Variants in EXTL3 observed in about 807,000 individuals in gnomAD.
The protein encoded by EXTL3 is exostosin like glycosyltransferase 3.
In EXTL3, 27 loss-of-function variants were observed where a neutral mutation model predicts 69.3. The ratio of observed to expected loss-of-function variants is 0.39; its 90% CI spans 0.29 to 0.54. The LOEUF (loss-of-function observed/expected upper bound fraction) is 0.54. Among genes scored for constraint, EXTL3 ranks in the 20% least tolerant of loss-of-function variants. The pLI is 0.69. For missense variants in EXTL3, 1,003 were observed against 1,231.8 expected (o/e 0.81, Z 2.78); for synonymous variants, 511 against 499.4 (o/e 1.02, Z -0.31).
At chr8:28,720,565 A>G (rs1255611365) in intron 3 of EXTL3, among the ~76,000 whole-genome samples, 1 of 152,222 alleles carries the variant, frequency 6.6e-6, no homozygotes, top group African/African-American at 2.4e-5. Context: ...TTATTTGCAT[A>G]AAAAGATCTA....
chr8:28,649,213 T>C (rs1362603485), intron 1 of EXTL3, among the ~76,000 whole-genome samples: 1 of 152,204 alleles, frequency 6.6e-6, no homozygotes, highest in Non-Finnish European at 1.5e-5. Flanking sequence ...ATAAGTCATA[T>C]TCATGTGTCA....
intron 1 of EXTL3, among the ~76,000 whole-genome samples, chr8:28,673,810 T>C (rs1182109514): frequency 2.0e-5 from 3 of 152,166 alleles, no homozygotes; most frequent in Non-Finnish European, 4.4e-5. Context: ...TGGAAAACTT[T>C]GTATAGATTT....
At chr8:28,695,439 A>C (rs1800671686) in intron 1 of EXTL3, among the ~76,000 whole-genome samples, 3 of 152,324 alleles carry the variant, frequency 2.0e-5, no homozygotes, top group Middle Eastern at 6.8e-3. Flanking sequence ...ATAAGCAATC[A>C]CGTGGACACC....
intron 1 of EXTL3, among the ~76,000 whole-genome samples, chr8:28,686,175 G>A (rs989768521): frequency 1.3e-5 from 2 of 151,898 alleles, no homozygotes; most frequent in Non-Finnish European, 2.9e-5. Flanking sequence ...CTATGTTTGC[G>A]TATATGTAAA....
At position 28,716,814 on chromosome 8, in the gene EXTL3, G is replaced by A. The variant is rs771658558; in HGVS notation, c.755G>A (p.Arg252Gln). ...VGEMQEPVVL[R>Q]PAELEKQLYS... The stretch of plus-strand genomic sequence containing the variant: ...GAGATGCAGGAGCCGGTGGTGCTGC[G>A]GCCTGCTGAGCTGGAGAAGCAGTTG... The change falls in exon 3 of 7, where the codon CGG (arginine) becomes CAG (glutamine). Residue 252 changes from arginine to glutamine, a missense_variant. Around this residue, in one of 2 missense-constraint regions of EXTL3, gnomAD observed 742 missense variants for 815.4 expected, o/e 0.91. Coordinates refer to ENST00000220562, the MANE Select transcript of EXTL3 (RefSeq NM_001440.4). The surrounding 1 kb of genome is among the most constrained non-coding windows in gnomAD (Gnocchi z 7.1). 27 of 1,614,056 alleles carry A rather than the reference G, an allele frequency of 1.7e-5. No homozygotes were observed. The highest frequency in any genetic ancestry group is 9.3e-5 in the African/African-American group (7 of 74,910).
Position 28,743,115 on chromosome 8 carries a change from G to A in EXTL3, c.2451G>A (p.Met817Ile). 1 of 1,614,124 alleles carries A rather than the reference G, an allele frequency of 6.2e-7. No individual in the cohort carries two copies. The highest frequency in any genetic ancestry group is 1.6e-4 in the Middle Eastern group (1 of 6,062). ...KYYAYLYSYV[M>I]PQAIRDMVDE... ...ATGCCTACCTGTATTCTTATGTGAT[G>A]CCCCAGGCCATCCGGGACATGGTGG... The change falls in exon 6 of 7, where the codon ATG becomes ATA. Residue 817 changes from methionine (M) to isoleucine (I), a missense_variant. Transcript: ENST00000220562.
rs1802082886 is a variant in EXTL3 at position 28,754,819 on chromosome 8, A to G, written c.*3953A>G. ...TGGTGCCTAACATCTTAATCTCAGC[A>G]TTTGGTGAGGCAGAAGTGGGAGGAT... On this transcript the variant is annotated 3_prime_UTR_variant, in exon 7 of 7. Transcript: ENST00000220562. The G allele has an allele frequency of 6.6e-6, 1 of 152,244 alleles. No homozygotes were observed. The highest frequency in any genetic ancestry group is 2.4e-5 in the African/African-American group (1 of 41,446). 9.4% of individuals were successfully genotyped at this position (152,244 alleles called of 1,614,324 possible).
intron 1 of EXTL3, among the ~76,000 whole-genome samples, chr8:28,686,333 C>CAA (rs542892730): frequency 7.3e-5 from 9 of 123,424 alleles, no homozygotes; most frequent in East Asian, 4.6e-4. Flanking sequence ...CTCTCTCTCT[C>CAA]AAAAAAAAAA....
At chr8:28,661,049 G>A (rs1197168773) in intron 1 of EXTL3, among the ~76,000 whole-genome samples, 1 of 151,536 alleles carries the variant, frequency 6.6e-6, no homozygotes, top group African/African-American at 2.4e-5. Flanking sequence ...AAGTCGCTGG[G>A]ACTACAGGTG....
intron 1 of EXTL3, among the ~76,000 whole-genome samples, chr8:28,680,262 G>A (rs748364062): frequency 5.7e-4 from 86 of 151,668 alleles, no homozygotes; most frequent in Non-Finnish European, 9.4e-4. Context: ...ATGATGGCAG[G>A]TGCCTGTAAT....
intron 1 of EXTL3, chr8:28,710,388 C>G (rs1801008571): frequency 2.3e-6 from 1 of 441,842 alleles, no homozygotes; most frequent in Admixed American, 2.5e-5. Context: ...GAAAAGGGGT[C>G]AGAGAAAGAG....
chr8:28,720,895 C>T (rs1427915404), intron 3 of EXTL3, among the ~76,000 whole-genome samples: 2 of 152,160 alleles, frequency 1.3e-5, no homozygotes, highest in Non-Finnish European at 2.9e-5. Flanking sequence ...ATTATTATGC[C>T]AAGGGATTTG....
chr8:28,701,432 CCCGCGT>C (rs1800788210), upstream of EXTL3: 1 of 151,864 alleles, frequency 6.6e-6, no homozygotes, highest in African/African-American at 2.4e-5. Flanking sequence ...CGAGCGCGCG[CCCGCGT>C]CCGCGCCCCC....
intron 1 of EXTL3, among the ~76,000 whole-genome samples, chr8:28,671,319 T>G (rs895828546): frequency 2.8e-5 from 4 of 145,428 alleles, no homozygotes; most frequent in African/African-American, 7.6e-5. Flanking sequence ...GTTTTTTTTT[T>G]TTTTTTTTTT....
At chr8:28,669,786 G>A (rs1023024140) in intron 1 of EXTL3, among the ~76,000 whole-genome samples, 2 of 152,256 alleles carry the variant, frequency 1.3e-5, no homozygotes, top group South Asian at 2.1e-4. Context: ...ATGAACATGC[G>A]TTCCACTTTC....
intron 1 of EXTL3, among the ~76,000 whole-genome samples, chr8:28,656,179 T>G (rs1028814812): frequency 6.6e-6 from 1 of 151,960 alleles, no homozygotes; most frequent in Non-Finnish European, 1.5e-5. Flanking sequence ...TCAACCATTT[T>G]TTTTTTTGAG....
At chr8:28,749,245 T>C (rs1801953301) in intron 6 of EXTL3, among the ~76,000 whole-genome samples, 1 of 151,718 alleles carries the variant, frequency 6.6e-6, no homozygotes, top group Admixed American at 6.6e-5. Flanking sequence ...AGCCATTAGA[T>C]AGACTATAAA....
chr8:28,717,325 G>A lies in EXTL3; in HGVS notation c.1266G>A (p.Leu422=). Residue 422 remains leucine, a synonymous_variant, in exon 3 of 7, where the codon TTG becomes TTA. Coordinates refer to ENST00000220562, the MANE Select transcript of EXTL3 (RefSeq NM_001440.4). The surrounding 1 kb of genome is among the most constrained non-coding windows in gnomAD (Gnocchi z 8.3). ...WALCGEREDR[L]ELLKLSTFAL... ...TGTGTGGAGAGCGGGAGGACCGCTT[G>A]GAATTGCTGAAGCTCTCCACCTTCG... 2.5e-6 allele frequency: 4 copies of A among 1,614,200 alleles called. No individual in the cohort carries two copies. The highest frequency in any genetic ancestry group is 3.4e-6 in the Non-Finnish European group (4 of 1,180,032).
chr8:28,611,526 G>A (rs1478455738), intron 2 of EXTL3, among the ~76,000 whole-genome samples: 2 of 152,126 alleles, frequency 1.3e-5, no homozygotes, highest in Non-Finnish European at 2.9e-5. Flanking sequence ...GCATTTGAGT[G>A]TGTTTATGTT....
Sources: allele counts gnomAD v4.1 joint callset (sites outside exome capture counted in the v4.1 genomes callset), GRCh38; gene constraint gnomAD v4.1.1; regional missense constraint gnomAD v4.1.1; non-coding constraint Gnocchi (gnomAD v3.1); transcripts MANE v1.5; gene names NCBI Gene and HGNC (gene_info 2026-07-23, HGNC 2026-07-21).